VAV2: variants seen among roughly 807,000 people sequenced by gnomAD.
VAV2 encodes guanine nucleotide exchange factor VAV2.
In VAV2, 67 loss-of-function variants were observed where a neutral mutation model predicts 132.5. That is an observed-to-expected ratio of 0.51 (90% CI 0.42 to 0.62). The LOEUF (loss-of-function observed/expected upper bound fraction) is 0.62, where lower values mean the gene tolerates loss of function less well. VAV2 is among the 20% of genes least tolerant of loss of function. VAV2 has a pLI of 0.00. For missense variants in VAV2, 938 were observed against 1,153.6 expected (o/e 0.81, Z 2.71); for synonymous variants, 492 against 443.5 (o/e 1.11, Z -1.37).
At chr9:133,780,843 G>A (rs1564338904) in intron 19 of VAV2, 133 bp from the exon 20 acceptor site, 1 of 1,032,694 alleles carries the variant, frequency 9.7e-7, no homozygotes, top group Non-Finnish European at 1.3e-6. Flanking sequence ...AAAGTGGTCT[G>A]TTTTGGACAT....
chr9:133,855,320 G>GTA (rs758154499), intron 3 of VAV2, among the ~76,000 whole-genome samples: 1 of 152,266 alleles, frequency 6.6e-6, no homozygotes, highest in Non-Finnish European at 1.5e-5. Flanking sequence ...GCCTCCGGCT[G>GTA]AGATGTCTCA....
chr9:133,962,179 G>C (rs937668338), intron 1 of VAV2, among the ~76,000 whole-genome samples: 1 of 152,154 alleles, frequency 6.6e-6, no homozygotes, highest in African/African-American at 2.4e-5. Flanking sequence ...GGGGATGAAG[G>C]GGTAACAGGT....
Position 133,788,296 on chromosome 9 carries a change from C to A in VAV2, c.1407+58G>T, listed in dbSNP as rs112957370. ...TTCCCCTGGGGTCTGGAACCCAGTGCCTCTCTCCAGGCCACCCCCACGTTC... is the reference window on the plus strand; with the variant it reads ...TTCCCCTGGGGTCTGGAACCCAGTGACTCTCTCCAGGCCACCCCCACGTTC... On this transcript the variant is annotated intron_variant, in intron 15 of 29. Transcript: ENST00000371850. The surrounding 1 kb of genome is among the most constrained non-coding windows in gnomAD (Gnocchi z 5.3). 2.6e-4 allele frequency: 364 copies of A among 1,407,316 alleles called. 1 individual carries two copies. The African/African-American group carries it at 4.4e-3, about 17-fold the overall frequency. The allele number at this position is 1,407,316 out of a possible 1,614,324, so 87.2% of individuals were successfully genotyped here. A position where few individuals can be genotyped will look rare whatever the true frequency, so the allele number is the denominator to read the frequency against.
In VAV2 at chr9:133,826,702, T is replaced by C. The variant is rs11793922; in HGVS notation, c.449+7570A>G. On this transcript the variant is annotated intron_variant, in intron 4 of 29. Coordinates refer to ENST00000371850, the MANE Select transcript of VAV2 (RefSeq NM_001134398.2). This position sits in a 1 kb window ranked among gnomAD's most constrained non-coding sequence, Gnocchi z 4.2. Reference sequence around the variant, plus strand: ...AAAGCTTGGTCTCATGTCCATGTCCTTCCTTTGGCCTCTCTTCTGCCCTGA... The same window carrying C: ...AAAGCTTGGTCTCATGTCCATGTCCCTCCTTTGGCCTCTCTTCTGCCCTGA... Among the ~76,000 whole-genome samples the C allele has an allele frequency of 9.3e-3, 1,420 of 152,282 alleles. 11 individuals are homozygous for C. Among genetic ancestry groups the C allele is most frequent in the Non-Finnish European group, 0.013 (914 of 68,016 alleles).
chr9:133,933,148 T>C (rs1488048585), intron 2 of VAV2, among the ~76,000 whole-genome samples: 1 of 152,268 alleles, frequency 6.6e-6, no homozygotes, highest in African/African-American at 2.4e-5. Flanking sequence ...ACACGTGGAA[T>C]GATCCTTTCC....
At chr9:133,979,784 G>A (rs1842636467) in intron 1 of VAV2, among the ~76,000 whole-genome samples, 1 of 152,226 alleles carries the variant, frequency 6.6e-6, no homozygotes, top group Admixed American at 6.5e-5. Context: ...ACGGCATTCG[G>A]GGAGCACAGG....
chr9:133,933,754 A>AAGGACGGG, intron 2 of VAV2, among the ~76,000 whole-genome samples: 1 of 110,534 alleles, frequency 9.0e-6, no homozygotes, highest in East Asian at 3.4e-4. Flanking sequence ...GAGTGGATGG[A>AAGGACGGG]TGAATGGATG....
In VAV2 at chr9:133,830,024, T is replaced by C. The variant is rs911525074; in HGVS notation, c.449+4248A>G. On this transcript the variant is annotated intron_variant, in intron 4 of 29. Coordinates refer to ENST00000371850, the MANE Select transcript of VAV2 (RefSeq NM_001134398.2). ...AACCAGCTGACGATGGAATGAACGA[T>C]GATCGTGTGAATGAATGAAAGCACA... Among the ~76,000 whole-genome samples, 6 of 152,214 alleles carry C rather than the reference T, an allele frequency of 3.9e-5. No homozygotes were observed. The South Asian group carries it at 6.2e-4, about 16-fold the overall frequency.
At chr9:133,973,494 C>T (rs930778816) in intron 1 of VAV2, among the ~76,000 whole-genome samples, 1 of 152,228 alleles carries the variant, frequency 6.6e-6, no homozygotes, top group Non-Finnish European at 1.5e-5. Flanking sequence ...GTGGGCTCTC[C>T]CCGGAAGGCC....
At position 133,783,551 on chromosome 9, in the gene VAV2, C is replaced by A. The variant is rs758789048; in HGVS notation, c.1675G>T (p.Val559Phe). ...YQGYMCTKCG[V>F]GAHKECLEVI... Reference sequence around the variant, plus strand: ...TCCAGGCACTCCTTGTGTGCCCCGACGCCACACTTGGTACACATGTATCCC... The same window carrying A: ...TCCAGGCACTCCTTGTGTGCCCCGAAGCCACACTTGGTACACATGTATCCC... Residue 559 changes from valine to phenylalanine, a missense_variant, in exon 19 of 30, where the codon GTC becomes TTC. Transcript: ENST00000371850. 1 of 1,613,904 alleles carries A rather than the reference C, an allele frequency of 6.2e-7. No homozygotes were observed. Among genetic ancestry groups the A allele is most frequent in the Non-Finnish European group, 8.5e-7 (1 of 1,179,984 alleles).
rs1186639753 is a variant in VAV2 at position 133,883,725 on chromosome 9, C to T, written c.322-22293G>A. 6.6e-6 allele frequency among the ~76,000 whole-genome samples: 1 copy of T among 152,194 alleles called. No individual in the cohort carries two copies. Among genetic ancestry groups the T allele is most frequent in the Admixed American group, 6.5e-5 (1 of 15,280 alleles). On this transcript the variant is annotated intron_variant, in intron 2 of 29. Coordinates refer to ENST00000371850, the MANE Select transcript of VAV2 (RefSeq NM_001134398.2). This position sits in a 1 kb window ranked among gnomAD's most constrained non-coding sequence, Gnocchi z 4.2. Reference sequence around the variant, plus strand: ...CTTGCATGCTTCCCATGACAGGGAGCTCACTACCCAAGGTGGCGGACGAGA... The same window carrying T: ...CTTGCATGCTTCCCATGACAGGGAGTTCACTACCCAAGGTGGCGGACGAGA...
At chr9:133,836,349 T>C (rs1052621309) in intron 3 of VAV2, among the ~76,000 whole-genome samples, 1 of 152,234 alleles carries the variant, frequency 6.6e-6, no homozygotes, top group African/African-American at 2.4e-5. Context: ...AGCCCTGGGC[T>C]GTCCCCGCTC....
intron 9 of VAV2, among the ~76,000 whole-genome samples, chr9:133,803,647 C>T (rs1835024036): frequency 1.3e-5 from 2 of 152,184 alleles, no homozygotes; most frequent in African/African-American, 4.8e-5. Flanking sequence ...AAAGTATAAC[C>T]TCAAAAAGAG....
chr9:133,836,082 A>G (rs965883378), intron 3 of VAV2, among the ~76,000 whole-genome samples: 1 of 152,228 alleles, frequency 6.6e-6, no homozygotes, highest in Non-Finnish European at 1.5e-5. Context: ...TTGCTGAGAC[A>G]GTGCCATTTA....
At chr9:133,887,291 A>T (rs557840630) in intron 2 of VAV2, among the ~76,000 whole-genome samples, 43 of 152,018 alleles carry the variant, frequency 2.8e-4, no homozygotes, top group African/African-American at 1.0e-3. Flanking sequence ...AGGGCCCCAG[A>T]CCCCCTTGGA....
chr9:133,845,096 C>T (rs1443594965), intron 3 of VAV2, among the ~76,000 whole-genome samples: 3 of 152,266 alleles, frequency 2.0e-5, no homozygotes, highest in Non-Finnish European at 4.4e-5. Context: ...CCTGAGCTTC[C>T]CCCGCTCTCG....
intron 22 of VAV2, 37 bp from the exon 23 acceptor site, chr9:133,777,500 G>C (rs370445397): frequency 1.8e-5 from 29 of 1,602,114 alleles, no homozygotes; most frequent in Non-Finnish European, 2.3e-5. Context: ...CAAGGGGGCC[G>C]AGCCTGGCCT....
intron 19 of VAV2, among the ~76,000 whole-genome samples, chr9:133,783,022 G>C (rs1052293272): frequency 6.6e-5 from 10 of 152,174 alleles, no homozygotes; most frequent in African/African-American, 1.9e-4. Flanking sequence ...GAACAGAAGG[G>C]AACCACTGTA....
At chr9:133,791,709 C>G in intron 13 of VAV2, 74 bp downstream of exon 13, 2 of 1,343,946 alleles carry the variant, frequency 1.5e-6, no homozygotes, top group Non-Finnish European at 2.1e-6. Context: ...TCACTCAATA[C>G]TGGGGCTGTG....
Sources: allele counts gnomAD v4.1 joint callset (sites outside exome capture counted in the v4.1 genomes callset), GRCh38; gene constraint gnomAD v4.1.1; non-coding constraint Gnocchi (gnomAD v3.1); transcripts MANE v1.5; gene names NCBI Gene and HGNC (gene_info 2026-07-23, HGNC 2026-07-21).